LRATD1: variants seen among roughly 807,000 people sequenced by gnomAD.
The protein encoded by LRATD1 is LRAT domain containing 1.
A neutral mutation model predicts 21.3 loss-of-function variants in LRATD1; 8 were observed. The observed-to-expected ratio is 0.38, with a 90% CI of 0.22 to 0.68. The LOEUF (loss-of-function observed/expected upper bound fraction) is 0.68. LRATD1 is among the 30% of genes least tolerant of loss of function. The probability of loss-of-function intolerance (pLI) is 0.54; values close to 1 mark genes in which losing one functional copy is unlikely to be tolerated. For synonymous variants in LRATD1, 210 were observed against 186.2 expected (o/e 1.13, Z -1.04); for missense variants, 380 against 404.0 (o/e 0.94, Z 0.51).
downstream of LRATD1, among the ~76,000 whole-genome samples, chr2:14,640,767 G>T (rs943291879): frequency 2.6e-5 from 4 of 152,168 alleles, no homozygotes; most frequent in African/African-American, 9.6e-5. Context: ...GGGGTGAGCA[G>T]ATCTAGGGAG....
In LRATD1 at chr2:14,637,674, A is replaced by G. The variant is rs1671717400; in HGVS notation, c.*2816A>G. ...AGTGATAGTTCATCATGCAGAGGAT[A>G]TGATCAAGATATTACCTAATGGTTT... On this transcript the variant is annotated 3_prime_UTR_variant, in exon 2 of 2. Transcript: ENST00000295092. 6.0e-6 allele frequency: 1 copy of G among 167,104 alleles called. No individual in the cohort carries two copies. The highest frequency in any genetic ancestry group is 1.5e-5 in the Non-Finnish European group (1 of 68,118). The allele number at this position is 167,104 out of a possible 1,614,324, so 10.4% of individuals were successfully genotyped here.
At chr2:14,649,131 T>C (rs948080201) in intron 4 of LRATD1, among the ~76,000 whole-genome samples, 6 of 152,102 alleles carry the variant, frequency 3.9e-5, no homozygotes, top group African/African-American at 1.4e-4. Context: ...TGCCTGTCTT[T>C]TACTTTTTGA....
rs185225898 is a variant in LRATD1, at chr2:14,638,826, G to A, written c.*3968G>A. On this transcript the variant is annotated 3_prime_UTR_variant, in exon 2 of 2. Coordinates refer to ENST00000295092, the MANE Select transcript of LRATD1 (RefSeq NM_145175.4). ...TTGCCTTTCAGAGGTGATTTGCCAC[G>A]TGCACAAAGGGTCTGTAGGTGAAAA... 180 of 166,990 alleles carry A rather than the reference G, an allele frequency of 1.1e-3. No individual in the cohort carries two copies. Among genetic ancestry groups the A allele is most frequent in the Admixed American group, 4.6e-3 (70 of 15,276 alleles). The allele number at this position is 166,990 out of a possible 1,614,324, so 10.3% of individuals were successfully genotyped here.
chr2:14,640,006 T>C lies in LRATD1; in HGVS notation c.*5148T>C, dbSNP rs1005348942. On this transcript the variant is annotated 3_prime_UTR_variant, in exon 2 of 2. Transcript: ENST00000295092. The stretch of plus-strand genomic sequence containing the variant: ...GTATTTGTAATATTTGATTTGCTTT[T>C]AGCAGAGAAAACAATAAAAGAATCC... 19 of 167,150 alleles carry C rather than the reference T, an allele frequency of 1.1e-4. No homozygotes were observed. Among genetic ancestry groups the C allele is most frequent in the African/African-American group, 4.1e-4 (17 of 41,484 alleles). 10.4% of individuals were successfully genotyped at this position (167,150 alleles called of 1,614,324 possible).
In LRATD1 at chr2:14,633,774, C is replaced by T. The variant is rs972191676; in HGVS notation, c.-36-170C>T. 2 of 656,804 alleles carry T rather than the reference C, an allele frequency of 3.0e-6. No individual in the cohort carries two copies. The highest frequency in any genetic ancestry group is 1.8e-5 in the African/African-American group (1 of 54,814). The allele number at this position is 656,804 out of a possible 1,614,324, so 40.7% of individuals were successfully genotyped here. A position where few individuals can be genotyped will look rare whatever the true frequency, so the allele number is the denominator to read the frequency against. On this transcript the variant is annotated intron_variant, in intron 1 of 1. Transcript: ENST00000295092. The surrounding 1 kb of genome is among the most constrained non-coding windows in gnomAD (Gnocchi z 7.5). ...CTCGCCTGACCTGTGGCGGCTTCTC[C>T]GCCCCTCGTACCCCTGGGGAGGCAC...
At chr2:14,651,293 C>T (rs1367335638), downstream of LRATD1, among the ~76,000 whole-genome samples, 1 of 152,044 alleles carries the variant, frequency 6.6e-6, no homozygotes, top group Non-Finnish European at 1.5e-5. Context: ...TGCTTCTATG[C>T]ATCCATTATG....
In LRATD1 at chr2:14,634,814, C is replaced by A. The variant is rs934586499; in HGVS notation, c.835C>A (p.Arg279=). The A allele has an allele frequency of 1.9e-6, 3 of 1,608,108 alleles. No individual in the cohort carries two copies. The highest frequency in any genetic ancestry group is 2.6e-6 in the Non-Finnish European group (3 of 1,176,354). ...KRRIDASGRL[R]VLQELADLVD... is the part of the protein sequence containing the mutation. ...CCGTATCGACGCCAGCGGCCGCCTG[C>A]GAGTGCTCCAGGAGCTCGCCGACCT... The change falls in exon 2 of 2, where the codon CGA becomes AGA. Residue 279 remains arginine, a synonymous_variant. Coordinates refer to ENST00000295092, the MANE Select transcript of LRATD1 (RefSeq NM_145175.4).
chr2:14,641,289 T>G (rs1017812224), downstream of LRATD1, among the ~76,000 whole-genome samples: 2 of 152,088 alleles, frequency 1.3e-5, no homozygotes, highest in Non-Finnish European at 2.9e-5. Flanking sequence ...AGGAGAAGCC[T>G]CAGAAGAGTT....
Position 14,639,160 on chromosome 2 carries a change from T to C in LRATD1, c.*4302T>C, listed in dbSNP as rs1376142396. ...TTAAAATAGAGAGTGACTTGAGATA[T>C]ACAAAAACAGGAAGAAAAGCCCTGG... On this transcript the variant is annotated 3_prime_UTR_variant, in exon 2 of 2. Transcript: ENST00000295092. The C allele has an allele frequency of 1.2e-5, 2 of 166,682 alleles. No individual in the cohort carries two copies. Among genetic ancestry groups the C allele is most frequent in the South Asian group, 2.1e-4 (1 of 4,820 alleles). The allele number at this position is 166,682 out of a possible 1,614,324, so 10.3% of individuals were successfully genotyped here. A position where few individuals can be genotyped will look rare whatever the true frequency, so the allele number is the denominator to read the frequency against.
downstream of LRATD1, chr2:14,641,974 C>T (rs1483187684): frequency 6.6e-6 from 1 of 152,146 alleles, no homozygotes. Flanking sequence ...CTTCCTAGGT[C>T]TACTGGGGAA....
intron 4 of LRATD1, among the ~76,000 whole-genome samples, chr2:14,646,903 C>A (rs1671905210): frequency 6.6e-6 from 1 of 152,174 alleles, no homozygotes; most frequent in Non-Finnish European, 1.5e-5. Context: ...TCCTCATGAA[C>A]CATGAACTCA....
intron 3 of LRATD1, chr2:14,646,222 A>G (rs1663232026): frequency 6.6e-6 from 1 of 152,196 alleles, no homozygotes; most frequent in South Asian, 2.1e-4. Flanking sequence ...TTAGAGAGGT[A>G]GGTATCAGGG....
At position 14,637,717 on chromosome 2, in the gene LRATD1, A is replaced by G. The variant is rs1671718758; in HGVS notation, c.*2859A>G. 1 of 167,086 alleles carries G rather than the reference A, an allele frequency of 6.0e-6. No homozygotes were observed. Among genetic ancestry groups the G allele is most frequent in the South Asian group, 2.1e-4 (1 of 4,822 alleles). The allele number at this position is 167,086 out of a possible 1,614,324, so 10.4% of individuals were successfully genotyped here. A position where few individuals can be genotyped will look rare whatever the true frequency, so the allele number is the denominator to read the frequency against. ...AATGGTTTTATCCTGAAAAAGGTGT[A>G]TACTTTTAGGGCACTGTTAACAATG... On this transcript the variant is annotated 3_prime_UTR_variant, in exon 2 of 2. Transcript: ENST00000295092.
At chr2:14,640,922 C>G (rs1031324543), downstream of LRATD1, among the ~76,000 whole-genome samples, 1 of 152,088 alleles carries the variant, frequency 6.6e-6, no homozygotes, top group South Asian at 2.1e-4. Context: ...GTAGGATTAC[C>G]AGATTTAGCA....
downstream of LRATD1, among the ~76,000 whole-genome samples, chr2:14,644,276 A>T (rs1671858618): frequency 6.6e-6 from 1 of 152,166 alleles, no homozygotes; most frequent in Non-Finnish European, 1.5e-5. Flanking sequence ...AATCACTTGA[A>T]GGTATACATC....
At chr2:14,640,925 A>T (rs971975054), downstream of LRATD1, among the ~76,000 whole-genome samples, 2 of 152,200 alleles carry the variant, frequency 1.3e-5, no homozygotes, top group African/African-American at 4.8e-5. Flanking sequence ...GGATTACCAG[A>T]TTTAGCAAAT....
At chr2:14,647,063 C>T (rs1360713115) in intron 4 of LRATD1, among the ~76,000 whole-genome samples, 1 of 152,202 alleles carries the variant, frequency 6.6e-6, no homozygotes, top group Non-Finnish European at 1.5e-5. Context: ...CCCTGAGCCT[C>T]TATCCCTCAG....
In LRATD1 at chr2:14,634,395, C is replaced by T; in HGVS notation, c.416C>T (p.Ala139Val). ...LWLQPAPEPP[A>V]PAPHWAVYVG... ...CTGCAGCCCGCGCCGGAGCCGCCCG[C>T]GCCCGCCCCGCACTGGGCCGTCTAC... Residue 139 changes from alanine to valine, a missense_variant, in exon 2 of 2, where the codon GCG (alanine) becomes GTG (valine). By Grantham distance (64) the Ala-to-Val change is moderately conservative (BLOSUM62 0). Transcript: ENST00000295092. 6.5e-7 allele frequency: 1 copy of T among 1,538,012 alleles called. No homozygotes were observed.
intron 4 of LRATD1, chr2:14,649,312 G>T (rs1253236983): frequency 6.6e-6 from 3 of 456,452 alleles, no homozygotes; most frequent in South Asian, 4.6e-5. Flanking sequence ...CTTGTGCCTA[G>T]CAGAATTTTA....
Sources: gnomAD v4.1 joint callset for allele counts (sites outside exome capture counted in the v4.1 genomes callset) on GRCh38, gnomAD v4.1.1 for gene constraint, Gnocchi (gnomAD v3.1) non-coding constraint, MANE v1.5 for transcripts, NCBI Gene and HGNC (gene_info 2026-07-23, HGNC 2026-07-21) for gene names.